The following MSRA variants were observed in gnomAD, a reference collection of about 807,000 sequenced individuals.
The protein encoded by MSRA is mitochondrial peptide methionine sulfoxide reductase.
A neutral mutation model predicts 31.3 loss-of-function variants in MSRA; 54 were observed. The observed-to-expected ratio is 1.73, with a 90% CI of 1.39 to 2.17. The LOEUF (loss-of-function observed/expected upper bound fraction) is 2.17, where lower values mean the gene tolerates loss of function less well. MSRA is among the 30% of genes most tolerant of loss of function. The probability of loss-of-function intolerance (pLI) is 0.00; values close to 1 mark genes in which losing one functional copy is unlikely to be tolerated. For synonymous variants in MSRA, 169 were observed against 116.5 expected, an observed-to-expected ratio of 1.45 and a Z score of -2.90; for missense variants, 507 against 300.9, an observed-to-expected ratio of 1.69 and a Z score of -5.07.
At chr8:10,247,788 T>C (rs1025860038) in intron 3 of MSRA, among the ~76,000 whole-genome samples, 1 of 152,174 alleles carries the variant, frequency 6.6e-6, no homozygotes, top group African/African-American at 2.4e-5. Flanking sequence ...TTGTTGTTGT[T>C]GTTCTGATCA....
At chr8:10,264,237 T>A (rs1798627105) in intron 3 of MSRA, among the ~76,000 whole-genome samples, 1 of 152,190 alleles carries the variant, frequency 6.6e-6, no homozygotes, top group African/African-American at 2.4e-5. Flanking sequence ...ACTGCTATCA[T>A]TGTTTTCCCC....
intron 4 of MSRA, among the ~76,000 whole-genome samples, chr8:10,309,171 A>G (rs1037581687): frequency 2.0e-5 from 3 of 152,206 alleles, no homozygotes; most frequent in Admixed American, 1.3e-4. Context: ...GTAAAATCAC[A>G]TGTTTAATTG....
At chr8:10,285,794 T>A (rs1460567038) in intron 3 of MSRA, among the ~76,000 whole-genome samples, 1 of 152,214 alleles carries the variant, frequency 6.6e-6, no homozygotes, top group East Asian at 1.9e-4. Flanking sequence ...TCATCTAAGC[T>A]TATCTATGTT....
intron 1 of MSRA, among the ~76,000 whole-genome samples, chr8:10,084,946 T>G (rs549647887): frequency 3.3e-5 from 5 of 152,316 alleles, no homozygotes; most frequent in Admixed American, 1.3e-4. Flanking sequence ...ATGAAGCTGG[T>G]TCCCCTTTAT....
At chr8:10,100,503 C>T (rs1341081673) in intron 1 of MSRA, among the ~76,000 whole-genome samples, 8 of 151,976 alleles carry the variant, frequency 5.3e-5, no homozygotes, top group Non-Finnish European at 1.0e-4. Context: ...GGCAGTGTTC[C>T]AGTATCTGAC....
chr8:10,120,591 A>T (rs1350100102), intron 1 of MSRA, among the ~76,000 whole-genome samples: 1 of 152,240 alleles, frequency 6.6e-6, no homozygotes, highest in Non-Finnish European at 1.5e-5. Context: ...TATTTGCTGA[A>T]CATCAAGAAT....
rs1585651696 is a variant in MSRA at position 10,387,936 on chromosome 8, G to A, written c.544-40212G>A. On this transcript the variant is annotated intron_variant, in intron 5 of 5. Transcript: ENST00000317173. ...ATTTCCTGTAATTCAAAAATGCTTGGCATGCCAAAGCCGCCTATTTTAGGG... is the reference window on the plus strand; with the variant it reads ...ATTTCCTGTAATTCAAAAATGCTTGACATGCCAAAGCCGCCTATTTTAGGG... Among the ~76,000 whole-genome samples the A allele has an allele frequency of 2.6e-5, 4 of 152,156 alleles. 1 individual carries two copies. The South Asian group carries it at 6.2e-4, about 24-fold the overall frequency.
chr8:10,099,035 G>T (rs776718267), intron 1 of MSRA, among the ~76,000 whole-genome samples: 2 of 152,182 alleles, frequency 1.3e-5, no homozygotes, highest in Non-Finnish European at 2.9e-5. Context: ...TTGCTAGGGG[G>T]TGTGGTGTAT....
intron 1 of MSRA, among the ~76,000 whole-genome samples, chr8:10,132,821 A>T (rs887617059): frequency 6.6e-6 from 1 of 152,230 alleles, no homozygotes; most frequent in African/African-American, 2.4e-5. Flanking sequence ...TAGATGTTTA[A>T]AATAGTTGCA....
intron 3 of MSRA, among the ~76,000 whole-genome samples, chr8:10,255,068 G>T (rs1380680331): frequency 6.6e-6 from 1 of 152,230 alleles, no homozygotes; most frequent in Non-Finnish European, 1.5e-5. Flanking sequence ...ATTGGGAGAG[G>T]GGGCTTCCCC....
At chr8:10,273,212 G>A (rs1211340821) in intron 3 of MSRA, among the ~76,000 whole-genome samples, 1 of 152,146 alleles carries the variant, frequency 6.6e-6, no homozygotes, top group African/African-American at 2.4e-5. Flanking sequence ...AAGTCGATTA[G>A]CATTTAAAAT....
chr8:10,265,354 G>A (rs1798691014), intron 3 of MSRA, among the ~76,000 whole-genome samples: 1 of 152,172 alleles, frequency 6.6e-6, no homozygotes, highest in African/African-American at 2.4e-5. Context: ...GTGTGTCACA[G>A]GGGCTTCTGG....
At chr8:10,127,621 T>C (rs1034288391) in intron 1 of MSRA, among the ~76,000 whole-genome samples, 2 of 152,248 alleles carry the variant, frequency 1.3e-5, no homozygotes, top group African/African-American at 2.4e-5. Context: ...TGTAGCTTAC[T>C]ATTTAACATC....
intron 3 of MSRA, among the ~76,000 whole-genome samples, chr8:10,268,911 C>A (rs776329366): frequency 2.0e-5 from 3 of 152,212 alleles, no homozygotes; most frequent in Admixed American, 2.0e-4. Context: ...ATAGTGGTAA[C>A]CTTTTCCCAC....
chr8:10,129,150 G>A (rs1039005522), intron 1 of MSRA, among the ~76,000 whole-genome samples: 2 of 152,100 alleles, frequency 1.3e-5, no homozygotes, highest in Non-Finnish European at 2.9e-5. Flanking sequence ...TCTGAGTGAC[G>A]GAGACTCTGT....
intron 5 of MSRA, among the ~76,000 whole-genome samples, chr8:10,400,408 T>C (rs2129183638): frequency 6.9e-6 from 1 of 144,052 alleles, no homozygotes; most frequent in Non-Finnish European, 1.6e-5. Context: ...TAGGGAAAGA[T>C]ACACGGTGGA....
At chr8:10,117,979 C>T (rs564373143) in intron 1 of MSRA, among the ~76,000 whole-genome samples, 2 of 152,268 alleles carry the variant, frequency 1.3e-5, no homozygotes, top group African/African-American at 2.4e-5. Flanking sequence ...AGAAACCGTT[C>T]ATCACTCTGA....
At chr8:10,223,537 C>G (rs1380373260) in intron 2 of MSRA, among the ~76,000 whole-genome samples, 1 of 152,086 alleles carries the variant, frequency 6.6e-6, no homozygotes, top group Non-Finnish European at 1.5e-5. Context: ...GAAGACAGGT[C>G]AGTAGAAATT....
intron 5 of MSRA, among the ~76,000 whole-genome samples, chr8:10,376,778 A>T (rs1322745265): frequency 6.6e-6 from 1 of 152,232 alleles, no homozygotes; most frequent in Non-Finnish European, 1.5e-5. Context: ...TGCTGAATAT[A>T]TAAAGACAAC....
Sources: gnomAD v4.1 joint callset for allele counts (sites outside exome capture counted in the v4.1 genomes callset) on GRCh38, gnomAD v4.1.1 for gene constraint, MANE v1.5 for transcripts, NCBI Gene and HGNC (gene_info 2026-07-23, HGNC 2026-07-21) for gene names.